The following CHAT variants were observed in gnomAD, a reference collection of about 807,000 sequenced individuals.
The protein encoded by CHAT is acetyl CoA:choline O-acetyltransferase.
In CHAT, 61 loss-of-function variants were observed where a neutral mutation model predicts 76.9. The observed-to-expected ratio is 0.79, with a 90% CI of 0.65 to 0.98. The LOEUF (loss-of-function observed/expected upper bound fraction) is 0.98, where lower values mean the gene tolerates loss of function less well. Ranked by LOEUF, CHAT falls within the 50% of genes least tolerant of loss-of-function variation. The pLI is 0.00. For missense variants in CHAT, 946 were observed against 986.9 expected, an observed-to-expected ratio of 0.96 and a Z score of 0.56; for synonymous variants, 407 against 397.4, an observed-to-expected ratio of 1.02 and a Z score of -0.29.
chr10:49,610,458 A>C (rs1389278568), upstream of CHAT: 4 of 367,940 alleles, frequency 1.1e-5, no homozygotes, highest in Admixed American at 1.9e-4. Flanking sequence ...AAGTGCGCCC[A>C]GTCTCCGGCC....
At chr10:49,609,638 C>CTCA (rs1838236408), upstream of CHAT, among the ~76,000 whole-genome samples, 1 of 152,126 alleles carries the variant, frequency 6.6e-6, no homozygotes, top group Non-Finnish European at 1.5e-5. Context: ...CACAAGCTCC[C>CTCA]GGCCGCGATT....
intron 10 of CHAT, 102 bp downstream of exon 10, chr10:49,649,738 C>A: frequency 1.6e-6 from 2 of 1,267,974 alleles, no homozygotes; most frequent in Non-Finnish European, 2.3e-6. Flanking sequence ...GACCCCAGCT[C>A]CTCTGCCTCT....
Position 49,625,586 on chromosome 10 carries a change from C to T in CHAT, c.866C>T (p.Thr289Met), listed in dbSNP as rs139352363. 68 of 1,609,040 alleles carry T rather than the reference C, an allele frequency of 4.2e-5. No individual in the cohort carries two copies. The highest frequency in any genetic ancestry group is 2.8e-4 in the African/African-American group (21 of 74,842). ...CGGCTCCCCGGCCATACCCAGGACA[C>T]GCTGGTGGCTCAGAACAGCAGCATC... ...SYRLPGHTQD[T>M]LVAQNSSIMP... Residue 289 changes from threonine to methionine, a missense_variant, in exon 6 of 15, where the codon ACG becomes ATG. By Grantham distance (81) the Thr-to-Met change is moderately conservative. This residue lies in a region of CHAT where 548 missense variants were observed against 516.2 expected (regional missense o/e 1.06). Transcript: ENST00000337653.
rs143589328 is a variant in CHAT, at chr10:49,639,980, C to T, written c.1112-6525C>T. On this transcript the variant is annotated intron_variant, in intron 7 of 14. Transcript: ENST00000337653. ...GTTCTGCTGTTGAGTCCATCCACTG[C>T]GCTTTCTATATTGGTTATTCTATTA... is the stretch of plus-strand genomic sequence containing the variant. Among the ~76,000 whole-genome samples the T allele has an allele frequency of 8.5e-5, 13 of 152,194 alleles. No individual in the cohort carries two copies. The East Asian group carries it at 9.6e-4, about 11-fold the overall frequency.
At chr10:49,615,232 G>C (rs1838444461) in intron 1 of CHAT, among the ~76,000 whole-genome samples, 1 of 152,142 alleles carries the variant, frequency 6.6e-6, no homozygotes, top group Non-Finnish European at 1.5e-5. Flanking sequence ...TTACCAACCT[G>C]ACCTTGTCCT....
In CHAT at chr10:49,655,181, C is replaced by T. The variant is rs1839995781; in HGVS notation, c.1721C>T (p.Thr574Ile). Residue 574 changes from threonine (T) to isoleucine (I), a missense_variant, in exon 12 of 15, where the codon ACT (threonine) becomes ATT (isoleucine). Thr to Ile is a moderately conservative substitution (Grantham distance 89). Coordinates refer to ENST00000337653, the MANE Select transcript of CHAT (RefSeq NM_020549.5). ...CGCGTGGACAACATCAGATCGGCCA[C>T]TCCAGAGGCACTGGCTTTTGTGAGA... Reference protein sequence around the residue: ...EGRVDNIRSATPEALAFVRAV... With the variant: ...EGRVDNIRSAIPEALAFVRAV... 14 of 1,614,090 alleles carry T rather than the reference C, an allele frequency of 8.7e-6. No individual in the cohort carries two copies. The highest frequency in any genetic ancestry group is 1.2e-5 in the Non-Finnish European group (14 of 1,180,044).
intron 11 of CHAT, among the ~76,000 whole-genome samples, chr10:49,652,492 C>T (rs142105268): frequency 5.3e-5 from 8 of 152,238 alleles, no homozygotes; most frequent in East Asian, 1.9e-4. Context: ...CTGCCATATC[C>T]GTTCTCCTCC....
At chr10:49,640,420 C>T (rs922268799) in intron 7 of CHAT, among the ~76,000 whole-genome samples, 27 of 151,964 alleles carry the variant, frequency 1.8e-4, no homozygotes, top group African/African-American at 3.9e-4. Context: ...GAGGTTATAA[C>T]GAGGTGGAGG....
chr10:49,620,279 G>A (rs1037390906), intron 3 of CHAT, among the ~76,000 whole-genome samples: 3 of 152,144 alleles, frequency 2.0e-5, no homozygotes, highest in African/African-American at 7.2e-5. Context: ...CAAGCCACCA[G>A]GATGGGGACT....
At chr10:49,633,076 C>T (rs1839179223) in intron 7 of CHAT, among the ~76,000 whole-genome samples, 1 of 152,204 alleles carries the variant, frequency 6.6e-6, no homozygotes, top group Non-Finnish European at 1.5e-5. Context: ...GCTGGGAGGC[C>T]ACGTCCACAG....
chr10:49,641,303 A>G (rs1266042711), intron 7 of CHAT, among the ~76,000 whole-genome samples: 2 of 152,218 alleles, frequency 1.3e-5, no homozygotes, highest in East Asian at 1.9e-4. Flanking sequence ...ATCTGCTGCT[A>G]TGATGTTCCT....
In CHAT at chr10:49,665,566, T is replaced by C. The variant is rs1290968146; in HGVS notation, c.*520T>C. On this transcript the variant is annotated 3_prime_UTR_variant, in exon 15 of 15. Coordinates refer to ENST00000337653, the MANE Select transcript of CHAT (RefSeq NM_020549.5). Reference sequence around the variant, plus strand: ...TTCTTATCGTGGCATTCCCAGTGTCTCCACTGAGCCGTACAGTCCTACAAG... The same window carrying C: ...TTCTTATCGTGGCATTCCCAGTGTCCCCACTGAGCCGTACAGTCCTACAAG... Among the ~76,000 whole-genome samples, 1 of 151,974 alleles carries C rather than the reference T, an allele frequency of 6.6e-6. No homozygotes were observed. The highest frequency in any genetic ancestry group is 1.5e-5 in the Non-Finnish European group (1 of 67,996).
intron 11 of CHAT, among the ~76,000 whole-genome samples, chr10:49,653,264 A>G (rs1839935712): frequency 6.6e-6 from 1 of 152,122 alleles, no homozygotes; most frequent in Non-Finnish European, 1.5e-5. Context: ...TAGGGAAATC[A>G]GGAGTGAAGG....
chr10:49,654,347 G>A (rs747069323), intron 11 of CHAT, among the ~76,000 whole-genome samples: 4 of 152,248 alleles, frequency 2.6e-5, no homozygotes, highest in Non-Finnish European at 5.9e-5. Flanking sequence ...GCCACGACTT[G>A]CTGGGTGACA....
At chr10:49,611,492 T>G, upstream of CHAT, 1 of 1,600,248 alleles carries the variant, frequency 6.2e-7, no homozygotes, top group South Asian at 1.1e-5. Context: ...CTAGCTGCCG[T>G]GTCGCTCTTT....
intron 11 of CHAT, 64 bp downstream of exon 11, chr10:49,652,070 G>A: frequency 1.2e-6 from 2 of 1,608,800 alleles, no homozygotes; most frequent in Non-Finnish European, 1.7e-6. Context: ...GTAGGATCTA[G>A]GGTCTAGAAG....
At chr10:49,628,739 A>G (rs1839010780) in intron 7 of CHAT, among the ~76,000 whole-genome samples, 1 of 152,258 alleles carries the variant, frequency 6.6e-6, no homozygotes, top group African/African-American at 2.4e-5. Flanking sequence ...TGGGAATGGA[A>G]CAAAGCCCCA....
At chr10:49,637,495 C>T (rs1318289229) in intron 7 of CHAT, 1 of 152,196 alleles carries the variant, frequency 6.6e-6, no homozygotes, top group Non-Finnish European at 1.5e-5. Flanking sequence ...GTTCTCATGA[C>T]AGTCAGTGAG....
upstream of CHAT, among the ~76,000 whole-genome samples, chr10:49,613,695 T>C (rs1838365302): frequency 6.6e-6 from 1 of 151,878 alleles, no homozygotes; most frequent in Non-Finnish European, 1.5e-5. Context: ...GGGGGATGCT[T>C]TTGTCTGAGA....
Sources: gnomAD v4.1 joint callset for allele counts (sites outside exome capture counted in the v4.1 genomes callset) on GRCh38, gnomAD v4.1.1 for gene constraint, gnomAD v4.1.1 regional missense constraint, MANE v1.5 for transcripts, NCBI Gene and HGNC (gene_info 2026-07-23, HGNC 2026-07-21) for gene names.